GABRB3: variants seen among roughly 807,000 people sequenced by gnomAD.
The protein encoded by GABRB3 is gamma-aminobutyric acid type A receptor subunit beta3.
A neutral mutation model predicts 52.1 loss-of-function variants in GABRB3; 14 were observed. The observed-to-expected ratio is 0.27, with a 90% CI of 0.18 to 0.42. The LOEUF is 0.42. GABRB3 is among the 10% of genes least tolerant of loss of function. GABRB3 has a pLI of 1.00. For missense variants in GABRB3, 307 were observed against 609.1 expected (o/e 0.50, Z 5.22); for synonymous variants, 260 against 232.3 (o/e 1.12, Z -1.08).
In GABRB3 at chr15:26,690,103, C is replaced by T. The variant is rs1327173632; in HGVS notation, c.241-68569G>A. ...CCAATCTGGAGAATGAGAAGGTACA[C>T]GGATTTTTTTTTTTTTTTGAGACAA... On this transcript the variant is annotated intron_variant, in intron 3 of 8. Coordinates refer to ENST00000311550, the MANE Select transcript of GABRB3 (RefSeq NM_000814.6). Among the ~76,000 whole-genome samples the T allele has an allele frequency of 1.9e-4, 14 of 73,434 alleles. No individual in the cohort carries two copies. The East Asian group carries it at 6.0e-3, about 32-fold the overall frequency. The allele number at this position is 73,434 out of a possible 152,430, so 48.2% of individuals were successfully genotyped here.
chr15:26,617,249 G>A (rs1892291406), intron 4 of GABRB3, among the ~76,000 whole-genome samples: 1 of 152,140 alleles, frequency 6.6e-6, no homozygotes, highest in Admixed American at 6.5e-5. Flanking sequence ...GCATCATCCT[G>A]ATACCAGGAT....
At chr15:26,722,719 G>T (rs974723826) in intron 3 of GABRB3, among the ~76,000 whole-genome samples, 2 of 152,142 alleles carry the variant, frequency 1.3e-5, no homozygotes, top group Non-Finnish European at 2.9e-5. Context: ...GCTGGCCCGG[G>T]AAGCAGTCAC....
chr15:26,765,281 G>T (rs1350053222), intron 3 of GABRB3, among the ~76,000 whole-genome samples: 1 of 152,068 alleles, frequency 6.6e-6, no homozygotes, highest in Non-Finnish European at 1.5e-5. Flanking sequence ...GCTAAATTTT[G>T]AGAGAAACTG....
chr15:26,759,255 C>CA (rs575261395), intron 3 of GABRB3, among the ~76,000 whole-genome samples: 18 of 151,608 alleles, frequency 1.2e-4, no homozygotes, highest in South Asian at 2.1e-4. Context: ...TAGAATATAG[C>CA]AAAAAAAAAT....
chr15:26,544,341 CA>C lies in GABRB3; in HGVS notation c.*3451del, dbSNP rs1259598724. On this transcript the variant is annotated 3_prime_UTR_variant, in exon 9 of 9. Coordinates refer to ENST00000311550, the MANE Select transcript of GABRB3 (RefSeq NM_000814.6). ...TAAAACCAGCCCCAGACTCGTTTGGCATCACCTTTGAGATGATCTCCTCAGT... is the reference window on the plus strand; with the variant it reads ...TAAAACCAGCCCCAGACTCGTTTGGCTCACCTTTGAGATGATCTCCTCAGT... The C allele has an allele frequency of 6.6e-6, 1 of 152,602 alleles. No homozygotes were observed. The highest frequency in any genetic ancestry group is 1.9e-4 in the East Asian group (1 of 5,182). 9.5% of individuals were successfully genotyped at this position (152,602 alleles called of 1,614,324 possible). A position where few individuals can be genotyped will look rare whatever the true frequency, so the allele number is the denominator to read the frequency against.
intron 3 of GABRB3, among the ~76,000 whole-genome samples, chr15:26,672,405 T>C (rs1343117698): frequency 1.3e-5 from 2 of 152,138 alleles, no homozygotes; most frequent in Admixed American, 6.5e-5. Flanking sequence ...TAAGACCCAC[T>C]TATAGTTCCT....
intron 5 of GABRB3, 66 bp downstream of exon 5, chr15:26,583,266 T>C (rs1214509403): frequency 7.4e-7 from 1 of 1,354,232 alleles, no homozygotes; most frequent in Non-Finnish European, 1.1e-6. Flanking sequence ...AAAAAGATGC[T>C]AAATAATGAC....
intron 3 of GABRB3, among the ~76,000 whole-genome samples, chr15:26,719,393 A>C (rs1392452674): frequency 6.6e-6 from 1 of 152,260 alleles, no homozygotes; most frequent in Non-Finnish European, 1.5e-5. Flanking sequence ...TCACACTTCA[A>C]ATCAGGCATA....
rs559552526 is a variant in GABRB3 at position 26,751,623 on chromosome 15, A to C, written c.240+20779T>G. Among the ~76,000 whole-genome samples the C allele has an allele frequency of 9.2e-5, 14 of 152,162 alleles. No homozygotes were observed. In the South Asian group the frequency reaches 1.9e-3, roughly 20 times the overall value. ...CTTAAAAAAATCAATAGTATGTCTAACTCATTAGTATTTTTGGTAATGAGG... is the reference window on the plus strand; with the variant it reads ...CTTAAAAAAATCAATAGTATGTCTACCTCATTAGTATTTTTGGTAATGAGG... On this transcript the variant is annotated intron_variant, in intron 3 of 8. Transcript: ENST00000311550.
intron 3 of GABRB3, among the ~76,000 whole-genome samples, chr15:26,715,114 G>C (rs567902368): frequency 8.4e-4 from 128 of 152,336 alleles, no homozygotes; most frequent in Middle Eastern, 6.8e-3. Context: ...GAGGACCTGG[G>C]GGGGTCTGAG....
rs144557837 is a variant in GABRB3 at position 26,741,430 on chromosome 15, T to C, written c.240+30972A>G. 4.8e-3 allele frequency among the ~76,000 whole-genome samples: 736 copies of C among 152,290 alleles called. 3 individuals are homozygous for C. Among genetic ancestry groups the C allele is most frequent in the African/African-American group, 0.016 (685 of 41,564 alleles). ...TTAAAAAGACAATCTTATACACATA[T>C]ACATGTAAGCAACCTATGACTTCAT... On this transcript the variant is annotated intron_variant, in intron 3 of 8. Coordinates refer to ENST00000311550, the MANE Select transcript of GABRB3 (RefSeq NM_000814.6).
chr15:26,736,170 A>G (rs1156711816), intron 3 of GABRB3, among the ~76,000 whole-genome samples: 1 of 152,224 alleles, frequency 6.6e-6, no homozygotes, highest in African/African-American at 2.4e-5. Context: ...TTATTGCACA[A>G]AAGTGCAAAT....
rs572134640 is a variant in GABRB3 at position 26,651,476 on chromosome 15, C to G, written c.241-29942G>C. The stretch of plus-strand genomic sequence containing the variant: ...TGGGAACATTCAAGTATGTTCAGAG[C>G]TATAAAAATCAGGTGTAAATATCCC... On this transcript the variant is annotated intron_variant, in intron 3 of 8. Coordinates refer to ENST00000311550, the MANE Select transcript of GABRB3 (RefSeq NM_000814.6). Among the ~76,000 whole-genome samples, 3 of 152,304 alleles carry G rather than the reference C, an allele frequency of 2.0e-5. No individual in the cohort carries two copies. In the East Asian group the frequency reaches 5.8e-4, roughly 29 times the overall value.
intron 3 of GABRB3, among the ~76,000 whole-genome samples, chr15:26,662,947 G>A (rs1053747339): frequency 6.6e-6 from 1 of 152,210 alleles, no homozygotes; most frequent in Non-Finnish European, 1.5e-5. Context: ...CCCATGCCCA[G>A]TGTCCCCCAA....
rs56143305 is a variant in GABRB3 at position 26,690,106 on chromosome 15, A to ATTTT, written c.241-68576_241-68573dup. On this transcript the variant is annotated intron_variant, in intron 3 of 8. Transcript: ENST00000311550. ...ATCTGGAGAATGAGAAGGTACACGG[A>ATTTT]TTTTTTTTTTTTTTTGAGACAAGGT... Among the ~76,000 whole-genome samples the ATTTT allele has an allele frequency of 3.5e-3, 482 of 137,476 alleles. 28 individuals are homozygous for ATTTT. In the South Asian group the frequency reaches 0.046, roughly 13 times the overall value. 90.2% of individuals were successfully genotyped at this position (137,476 alleles called of 152,430 possible). A position where few individuals can be genotyped will look rare whatever the true frequency, so the allele number is the denominator to read the frequency against.
At chr15:26,567,774 A>G in intron 6 of GABRB3, 41 bp from the exon 7 acceptor site, 2 of 1,600,652 alleles carry the variant, frequency 1.2e-6, no homozygotes, top group African/African-American at 1.3e-5. Flanking sequence ...GAGAAACAAC[A>G]TGGCAGACTA....
chr15:26,572,708 T>A (rs1890451321), intron 6 of GABRB3, among the ~76,000 whole-genome samples: 1 of 152,106 alleles, frequency 6.6e-6, no homozygotes, highest in Admixed American at 6.6e-5. Context: ...CACTAAGACA[T>A]CCCTTTTAAA....
intron 4 of GABRB3, chr15:26,614,086 C>T (rs2140522840): frequency 6.6e-6 from 1 of 152,284 alleles, no homozygotes; most frequent in African/African-American, 2.4e-5. Flanking sequence ...GCCAAGTCCT[C>T]CAGTAGTGAC....
chr15:26,736,716 C>T (rs1890074821), intron 3 of GABRB3, among the ~76,000 whole-genome samples: 1 of 152,210 alleles, frequency 6.6e-6, no homozygotes, highest in African/African-American at 2.4e-5. Flanking sequence ...AAGGAATTCG[C>T]TAGAATGTGT....
Sources: allele counts gnomAD v4.1 joint callset (sites outside exome capture counted in the v4.1 genomes callset), GRCh38; gene constraint gnomAD v4.1.1; transcripts MANE v1.5; gene names NCBI Gene and HGNC (gene_info 2026-07-23, HGNC 2026-07-21).